IQCK: variants seen among roughly 807,000 people sequenced by gnomAD.
IQCK encodes the protein IQ domain-containing protein K.
IQCK carries 29 observed loss-of-function variants against 28.1 expected under a neutral mutation model. That is an observed-to-expected ratio of 1.03 (90% confidence interval 0.77 to 1.41). The LOEUF is 1.41. IQCK is among the 40% of genes most tolerant of loss of function. The pLI, the probability that IQCK is intolerant of heterozygous loss-of-function variation, is 0.00. For missense variants in IQCK, 359 were observed against 314.7 expected, an observed-to-expected ratio of 1.14 and a Z score of -1.07; for synonymous variants, 113 against 115.1, an observed-to-expected ratio of 0.98 and a Z score of 0.12.
At chr16:19,741,382 T>C (rs1165317375) in intron 4 of IQCK, among the ~76,000 whole-genome samples, 2 of 152,214 alleles carry the variant, frequency 1.3e-5, no homozygotes, top group African/African-American at 4.8e-5. Flanking sequence ...ATTAAGATTT[T>C]ACATGAAGGT....
intron 6 of IQCK, among the ~76,000 whole-genome samples, chr16:19,771,545 G>A (rs556863751): frequency 6.6e-6 from 1 of 151,984 alleles, no homozygotes; most frequent in East Asian, 1.9e-4. Context: ...AGTATTCCAG[G>A]TTTTGTATAA....
chr16:19,820,387 C>T (rs2056054529), intron 7 of IQCK, among the ~76,000 whole-genome samples: 1 of 152,090 alleles, frequency 6.6e-6, no homozygotes, highest in African/African-American at 2.4e-5. Context: ...TGGTGGCTCA[C>T]GCCTGTAATC....
At chr16:19,821,084 T>C (rs115115815) in intron 7 of IQCK, among the ~76,000 whole-genome samples, 409 of 152,218 alleles carry the variant, frequency 2.7e-3, no homozygotes, top group African/African-American at 9.5e-3. Context: ...GGTACACACC[T>C]GTAGTCCCAG....
intron 1 of IQCK, 150 bp downstream of exon 1, chr16:19,718,637 G>A: frequency 1.5e-6 from 1 of 675,634 alleles, no homozygotes; most frequent in Non-Finnish European, 2.2e-6. Flanking sequence ...TTACGCATGG[G>A]GAAACTGAGG....
chr16:19,735,382 A>C (rs1400807244), exon 4 of IQCK: 5 of 1,613,948 alleles, frequency 3.1e-6, no homozygotes, highest in African/African-American at 1.3e-5. Flanking sequence ...GGAAACTTTC[A>C]TCTTTCCTGT....
intron 9 of IQCK, among the ~76,000 whole-genome samples, chr16:19,837,755 A>G (rs940115125): frequency 5.9e-5 from 9 of 152,230 alleles, no homozygotes; most frequent in African/African-American, 2.2e-4. Context: ...GGGGAAATTT[A>G]TAAGCTGTGT....
chr16:19,738,380 A>G (rs527849973), intron 4 of IQCK, among the ~76,000 whole-genome samples: 2 of 152,140 alleles, frequency 1.3e-5, no homozygotes, highest in Non-Finnish European at 2.9e-5. Context: ...GATGGAGGAG[A>G]ACAGTGAGGG....
At chr16:19,723,022 T>C (rs1409772904) in intron 1 of IQCK, among the ~76,000 whole-genome samples, 2 of 152,110 alleles carry the variant, frequency 1.3e-5, no homozygotes, top group African/African-American at 2.4e-5. Flanking sequence ...TGCTTCCCTT[T>C]CACTTTCCAC....
At chr16:19,724,314 C>T (rs1436798811) in intron 1 of IQCK, among the ~76,000 whole-genome samples, 1 of 152,122 alleles carries the variant, frequency 6.6e-6, no homozygotes. Flanking sequence ...GCAATACTTT[C>T]ACTTATCATA....
chr16:19,759,935 G>A (rs2151706155), intron 4 of IQCK, among the ~76,000 whole-genome samples: 1 of 152,038 alleles, frequency 6.6e-6, no homozygotes, highest in East Asian at 1.9e-4. Context: ...GACCAGCCTG[G>A]GCAACAGAGT....
intron 7 of IQCK, among the ~76,000 whole-genome samples, chr16:19,807,105 C>A (rs1684902762): frequency 6.6e-6 from 1 of 152,216 alleles, no homozygotes; most frequent in South Asian, 2.1e-4. Context: ...GGATCATTCC[C>A]TCTGGAGGAT....
chr16:19,832,684 C>G (rs1355630011), intron 9 of IQCK, among the ~76,000 whole-genome samples: 1 of 152,132 alleles, frequency 6.6e-6, no homozygotes, highest in East Asian at 1.9e-4. Context: ...TTTCACACTG[C>G]TATAAAGAAT....
In IQCK at chr16:19,811,870, G is replaced by A. The variant is rs186417685; in HGVS notation, c.691-15156G>A. On this transcript the variant is annotated intron_variant, in intron 7 of 7. Coordinates refer to ENST00000564186, the Ensembl canonical transcript of IQCK. ...TCTTCCTGAACATGCTGAAACCTTG[G>A]TTCTACCTCACACATACTCAATCAG... is the stretch of plus-strand genomic sequence containing the variant. 1.1e-3 allele frequency among the ~76,000 whole-genome samples: 170 copies of A among 152,210 alleles called. 2 individuals are homozygous for A. The highest frequency in any genetic ancestry group is 3.9e-3 in the African/African-American group (164 of 41,524).
chr16:19,761,274 ATTTTGGGGTGATACAATTCAACCCCTAAT>A (rs1251404081), intron 4 of IQCK: 1 of 415,456 alleles, frequency 2.4e-6, no homozygotes, highest in Non-Finnish European at 4.8e-6. Flanking sequence ...CACCATATGA[ATTTTGGGGTGATACAATTCAACCCCTAAT>A]GTTCTTTTTT....
At chr16:19,756,044 C>G (rs1489426812) in intron 4 of IQCK, among the ~76,000 whole-genome samples, 1 of 152,084 alleles carries the variant, frequency 6.6e-6, no homozygotes, top group Non-Finnish European at 1.5e-5. Flanking sequence ...ATTAGCTGGG[C>G]CTGGTGTTGC....
chr16:19,847,575 A>G (rs1204472845), intron 9 of IQCK, among the ~76,000 whole-genome samples: 2 of 152,192 alleles, frequency 1.3e-5, no homozygotes, highest in African/African-American at 2.4e-5. Flanking sequence ...AAAACACAGA[A>G]TGAACTCCTT....
chr16:19,781,938 G>A (rs1280280981), intron 6 of IQCK, among the ~76,000 whole-genome samples: 2 of 152,102 alleles, frequency 1.3e-5, no homozygotes, highest in East Asian at 1.9e-4. Flanking sequence ...GCAGTGAGCC[G>A]AGATCGTGCC....
intron 9 of IQCK, among the ~76,000 whole-genome samples, chr16:19,847,756 T>G (rs1402961146): frequency 6.6e-6 from 1 of 152,230 alleles, no homozygotes; most frequent in Non-Finnish European, 1.5e-5. Flanking sequence ...GATTATTGGG[T>G]TATATCCACC....
rs543139025 is a variant in IQCK at position 19,732,630 on chromosome 16, A to AT, written c.247-1063dup. On this transcript the variant is annotated intron_variant, in intron 2 of 7. Transcript: ENST00000564186. ...CGTATGCCACCACTGCCAGCTAATT[A>AT]TTTTTGAATTTTAGTAGAGATGAGG... 9.9e-5 allele frequency among the ~76,000 whole-genome samples: 15 copies of AT among 152,048 alleles called. No individual in the cohort carries two copies. In the East Asian group the frequency reaches 2.9e-3, roughly 29 times the overall value.
Sources: gnomAD v4.1 joint callset for allele counts (sites outside exome capture counted in the v4.1 genomes callset) on GRCh38, gnomAD v4.1.1 for gene constraint, MANE v1.5 for transcripts, NCBI Gene and HGNC (gene_info 2026-07-23, HGNC 2026-07-21) for gene names.